Variants in HMG20A observed in about 807,000 individuals in gnomAD.
The protein encoded by HMG20A is high mobility group protein 20A.
In HMG20A, 17 loss-of-function variants were observed where a neutral mutation model predicts 43.9. That is an observed-to-expected ratio of 0.39 (90% CI 0.27 to 0.58). The LOEUF (loss-of-function observed/expected upper bound fraction) is 0.58, where lower values mean the gene tolerates loss of function less well. HMG20A is among the 20% of genes least tolerant of loss of function. The pLI is 0.59. For missense variants in HMG20A, 341 were observed against 438.2 expected (o/e 0.78, Z 1.98); for synonymous variants, 132 against 147.5 (o/e 0.89, Z 0.76).
the HMG20A span, among the ~76,000 whole-genome samples, chr15:77,493,347 A>G: frequency 6.6e-6 from 1 of 152,144 alleles, no homozygotes; most frequent in Non-Finnish European, 1.5e-5. Context: ...AAAAGAGCAC[A>G]AAAACCAGCT....
downstream of HMG20A, among the ~76,000 whole-genome samples, chr15:77,487,472 G>A (rs991507097): frequency 1.3e-5 from 2 of 152,074 alleles, no homozygotes; most frequent in African/African-American, 4.8e-5. Flanking sequence ...TTTTTCCCCC[G>A]GAGAGCCAGA....
chr15:77,475,548 G>A (rs1217757008), intron 6 of HMG20A, among the ~76,000 whole-genome samples: 2 of 152,194 alleles, frequency 1.3e-5, no homozygotes, highest in African/African-American at 4.8e-5. Context: ...CATCTAACTG[G>A]CAGATATTGA....
intron 1 of HMG20A, among the ~76,000 whole-genome samples, chr15:77,442,425 A>G (rs1375652443): frequency 6.6e-6 from 1 of 152,206 alleles, no homozygotes; most frequent in African/African-American, 2.4e-5. Context: ...CTCATGGGGA[A>G]ATACTGTTTT....
intron 4 of HMG20A, among the ~76,000 whole-genome samples, chr15:77,470,383 A>G (rs372165783): frequency 3.9e-5 from 6 of 152,304 alleles, no homozygotes; most frequent in African/African-American, 7.2e-5. Flanking sequence ...GGATGAGGTC[A>G]TTATTTTTAT....
intron 1 of HMG20A, among the ~76,000 whole-genome samples, chr15:77,448,012 A>G (rs2073694046): frequency 6.6e-6 from 1 of 152,222 alleles, no homozygotes; most frequent in Non-Finnish European, 1.5e-5. Flanking sequence ...GCCACAGTTT[A>G]TAGATTCTAG....
rs189222787 is a variant in HMG20A at position 77,458,544 on chromosome 15, A to G, written c.89+48A>G. On this transcript the variant is annotated intron_variant, in intron 2 of 9. Transcript: ENST00000336216. ...TGGACTTCTCCATAGGCCTCAAAAC[A>G]AAGCTTCTAGCAAAGTAAGAGGTCC... 9 of 1,280,898 alleles carry G rather than the reference A, an allele frequency of 7.0e-6. No individual in the cohort carries two copies. The East Asian group carries it at 1.8e-4, about 26-fold the overall frequency. The allele number at this position is 1,280,898 out of a possible 1,614,324, so 79.3% of individuals were successfully genotyped here. A position where few individuals can be genotyped will look rare whatever the true frequency, so the allele number is the denominator to read the frequency against.
intron 6 of HMG20A, among the ~76,000 whole-genome samples, chr15:77,476,722 A>G (rs757068389): frequency 2.0e-5 from 3 of 152,172 alleles, no homozygotes; most frequent in Non-Finnish European, 4.4e-5. Context: ...CAACACACTT[A>G]AAATTAATAT....
chr15:77,450,364 A>G (rs1163702846), intron 1 of HMG20A, among the ~76,000 whole-genome samples: 1 of 152,234 alleles, frequency 6.6e-6, no homozygotes, highest in Admixed American at 6.5e-5. Context: ...AAGTCTAAAC[A>G]GGAAATCCAT....
At chr15:77,469,197 T>G (rs2072784124) in intron 4 of HMG20A, among the ~76,000 whole-genome samples, 1 of 148,618 alleles carries the variant, frequency 6.7e-6, no homozygotes, top group Non-Finnish European at 1.5e-5. Flanking sequence ...TTATTTAAAT[T>G]CTCCTTTGTC....
At chr15:77,510,405 A>C in the HMG20A span, among the ~76,000 whole-genome samples, 1 of 152,184 alleles carries the variant, frequency 6.6e-6, no homozygotes, top group African/African-American at 2.4e-5. Context: ...AGCAAGCAAA[A>C]CCTTTCATAT....
intron 3 of HMG20A, among the ~76,000 whole-genome samples, chr15:77,466,336 G>A (rs1486196880): frequency 6.6e-6 from 1 of 152,094 alleles, no homozygotes. Context: ...AGCCGAGATA[G>A]CGCCATTGCA....
intron 1 of HMG20A, among the ~76,000 whole-genome samples, chr15:77,456,952 A>G (rs1007773139): frequency 6.6e-6 from 1 of 152,178 alleles, no homozygotes; most frequent in Non-Finnish European, 1.5e-5. Context: ...AGGAACTGAA[A>G]AGAGGTTGCA....
the HMG20A span, among the ~76,000 whole-genome samples, chr15:77,501,102 C>G: frequency 6.6e-6 from 1 of 152,196 alleles, no homozygotes; most frequent in Admixed American, 6.5e-5. Context: ...CTATTCAGTC[C>G]TGTCTCTTCT....
chr15:77,447,283 C>T (rs1269125996), intron 1 of HMG20A, among the ~76,000 whole-genome samples: 1 of 152,206 alleles, frequency 6.6e-6, no homozygotes, highest in Non-Finnish European at 1.5e-5. Flanking sequence ...CAAAAGGCAA[C>T]ACTCTGCTTG....
intron 2 of HMG20A, among the ~76,000 whole-genome samples, chr15:77,459,424 CAG>C (rs1403999922): frequency 6.6e-6 from 1 of 151,940 alleles, no homozygotes; most frequent in Non-Finnish European, 1.5e-5. Context: ...CTTGTTGAGT[CAG>C]ACAATAAACA....
At chr15:77,434,018 T>C (rs1354277904) in intron 1 of HMG20A, among the ~76,000 whole-genome samples, 1 of 152,184 alleles carries the variant, frequency 6.6e-6, no homozygotes, top group Non-Finnish European at 1.5e-5. Context: ...TACAATGTGG[T>C]AATGGCGCAA....
chr15:77,479,661 G>A (rs907398), intron 9 of HMG20A: 37,104 of 176,200 alleles, frequency 0.21, 4,805 homozygotes, highest in Middle Eastern at 0.29. Context: ...CATGGTTTTT[G>A]TGGCTTGACC....
At chr15:77,458,342 A>G in intron 1 of HMG20A, 62 bp from the exon 2 acceptor site, 1 of 1,054,604 alleles carries the variant, frequency 9.5e-7, no homozygotes, top group Non-Finnish European at 1.5e-6. Flanking sequence ...CTCTTAAATT[A>G]GTGGAACTTG....
At chr15:77,467,001 T>G in intron 3 of HMG20A, 94 bp from the exon 4 acceptor site, 3 of 1,025,764 alleles carry the variant, frequency 2.9e-6, no homozygotes, top group Non-Finnish European at 4.3e-6. Context: ...TTAATCCTGT[T>G]TTGTTTGTTG....
Sources: allele counts gnomAD v4.1 joint callset (sites outside exome capture counted in the v4.1 genomes callset), GRCh38; gene constraint gnomAD v4.1.1; transcripts MANE v1.5; gene names NCBI Gene and HGNC (gene_info 2026-07-23, HGNC 2026-07-21).